Variants in DIPK1C observed in about 807,000 individuals in gnomAD.
The protein encoded by DIPK1C is divergent protein kinase domain 1C.
Under a neutral mutation model 28.0 loss-of-function variants are expected in DIPK1C, and 33 were observed. The ratio of observed to expected loss-of-function variants is 1.18; its 90% CI spans 0.89 to 1.58. The LOEUF (loss-of-function observed/expected upper bound fraction) is 1.58, where lower values mean the gene tolerates loss of function less well. Among genes scored for constraint, DIPK1C ranks in the 40% most tolerant of loss-of-function variants. The pLI is 0.00. For missense variants in DIPK1C, 569 were observed against 568.5 expected (o/e 1.00, Z -0.01); for synonymous variants, 255 against 248.8 (o/e 1.02, Z -0.23).
chr18:74,448,612 C>T (rs1186697590), intron 1 of DIPK1C, among the ~76,000 whole-genome samples: 2 of 152,104 alleles, frequency 1.3e-5, no homozygotes, highest in African/African-American at 4.8e-5. Context: ...ATTGTACTGG[C>T]CAAGAGGGAA....
chr18:74,446,107 G>A (rs1242392295), intron 2 of DIPK1C, among the ~76,000 whole-genome samples: 3 of 152,190 alleles, frequency 2.0e-5, no homozygotes, highest in African/African-American at 4.8e-5. Flanking sequence ...TCTTACATAC[G>A]GAATGGAAAC....
chr18:74,458,603 G>GGGGTTTGGGTGTCACTCGATCAACAGCA (rs1986568722), upstream of DIPK1C, among the ~76,000 whole-genome samples: 1 of 132,442 alleles, frequency 7.6e-6, no homozygotes, highest in Non-Finnish European at 1.6e-5. Flanking sequence ...ACAGACCCTT[G>GGGGTTTGGGTGTCACTCGATCAACAGCA]GGGTTTGGGT....
chr18:74,446,042 C>G (rs935121039), intron 2 of DIPK1C, among the ~76,000 whole-genome samples: 2 of 152,224 alleles, frequency 1.3e-5, no homozygotes, highest in African/African-American at 4.8e-5. Flanking sequence ...ATATTTCTAC[C>G]TGGCAGGGCT....
In DIPK1C at chr18:74,447,136, T is replaced by A; in HGVS notation, c.346A>T (p.Lys116Ter). The A allele has an allele frequency of 6.4e-7, 1 of 1,550,542 alleles. No homozygotes were observed. Among genetic ancestry groups the A allele is most frequent in the Non-Finnish European group, 8.7e-7 (1 of 1,146,970 alleles). ...CTGGAGAAGGCCTCCTCCTTGGACT[T>A]GAGGACCACGGGCCGGCCGCGCCAG... ...ADWRGRPVVL[K>*]SKEEAFSSFP... The change falls in exon 2 of 4, where the codon AAG becomes TAG. Residue 116 changes from lysine (K) to a stop codon, truncating the protein, a stop_gained. Coordinates refer to ENST00000343998, the MANE Select transcript of DIPK1C (RefSeq NM_001044369.3). LOFTEE classifies it high-confidence loss of function. The surrounding 1 kb of genome is among the most constrained non-coding windows in gnomAD (Gnocchi z 4.1).
intron 3 of DIPK1C, 54 bp from the exon 4 acceptor site, chr18:74,436,773 C>A: frequency 6.7e-7 from 1 of 1,481,618 alleles, no homozygotes; most frequent in South Asian, 1.3e-5. Flanking sequence ...CTCCTAAAAG[C>A]TTCCCAAGCC....
upstream of DIPK1C, among the ~76,000 whole-genome samples, chr18:74,462,406 A>G (rs1310024582): frequency 6.6e-6 from 1 of 152,154 alleles, no homozygotes; most frequent in East Asian, 1.9e-4. Context: ...ACCATGTATC[A>G]CTACTTTGTT....
chr18:74,456,917 C>T, intron 1 of DIPK1C, 145 bp downstream of exon 1: 2 of 894,010 alleles, frequency 2.2e-6, no homozygotes, highest in Non-Finnish European at 3.0e-6. Flanking sequence ...GCGTGCGCCT[C>T]TGGCACTCCA....
rs780229492 is a variant in DIPK1C at position 74,442,014 on chromosome 18, A to G, written c.979T>C (p.Phe327Leu). Residue 327 changes from phenylalanine to leucine, a missense_variant, in exon 3 of 4, where the codon TTT (phenylalanine) becomes CTT (leucine). Physicochemically the swap from Phe to Leu is conservative, Grantham distance 22 (BLOSUM62 0). Transcript: ENST00000343998. ...TTGACTCGTAAATCACATCTTGAAA[A>G]ACAGTCAAAGAAATTGCAGTCTTCA... ...GDEDCNFFDC[F>L]SRCDLRVNKC... is the part of the protein sequence containing the mutation. 1 of 1,614,078 alleles carries G rather than the reference A, an allele frequency of 6.2e-7. No individual in the cohort carries two copies. The highest frequency in any genetic ancestry group is 1.1e-5 in the South Asian group (1 of 91,060).
intron 1 of DIPK1C, among the ~76,000 whole-genome samples, chr18:74,449,586 G>A (rs1241224971): frequency 6.6e-6 from 1 of 152,238 alleles, no homozygotes; most frequent in African/African-American, 2.4e-5. Flanking sequence ...GCCAGCCGCT[G>A]CATTTTAGAT....
intron 2 of DIPK1C, among the ~76,000 whole-genome samples, chr18:74,442,483 C>T (rs748583649): frequency 2.0e-5 from 3 of 152,092 alleles, no homozygotes; most frequent in South Asian, 4.1e-4. Flanking sequence ...TGCCCACCAC[C>T]ACACCCGGCT....
chr18:74,448,595 C>T (rs1847596313), intron 1 of DIPK1C, among the ~76,000 whole-genome samples: 2 of 152,272 alleles, frequency 1.3e-5, no homozygotes, highest in Non-Finnish European at 2.9e-5. Context: ...TGCCTCCCTG[C>T]ATGATGATTG....
chr18:74,446,539 A>G, intron 2 of DIPK1C, 67 bp downstream of exon 2: 1 of 1,342,350 alleles, frequency 7.4e-7, no homozygotes, highest in Non-Finnish European at 9.6e-7. Flanking sequence ...AAACCTTCTC[A>G]TTTCCTTCCC....
At position 74,442,100 on chromosome 18, in the gene DIPK1C, A is replaced by C; in HGVS notation, c.893T>G (p.Val298Gly). Residue 298 changes from valine to glycine, a missense_variant, in exon 3 of 4, where the codon GTG becomes GGG. Val to Gly is a moderately radical substitution (Grantham distance 109). Transcript: ENST00000343998. ...TTTAGGTTCAAAAAAGGCCATGTCC[A>C]CATCAATAGCCACCACCTGTAATCA... ...RSDFTVVAID[V>G]DMAFFEPKMR... 1 of 1,614,136 alleles carries C rather than the reference A, an allele frequency of 6.2e-7. No individual in the cohort carries two copies. The highest frequency in any genetic ancestry group is 8.5e-7 in the Non-Finnish European group (1 of 1,180,012).
intron 1 of DIPK1C, among the ~76,000 whole-genome samples, chr18:74,454,064 G>A (rs1986453411): frequency 6.6e-6 from 1 of 152,158 alleles, no homozygotes; most frequent in South Asian, 2.1e-4. Flanking sequence ...CTCCCCAGCT[G>A]GCTGGGCCTG....
chr18:74,438,369 A>G (rs1986044789), intron 3 of DIPK1C, among the ~76,000 whole-genome samples: 1 of 152,212 alleles, frequency 6.6e-6, no homozygotes, highest in South Asian at 2.1e-4. Context: ...ATGCTATTGC[A>G]TTTTGTGCAT....
rs922330771 is a variant in DIPK1C, at chr18:74,443,385, A to G, written c.877-1269T>C. On this transcript the variant is annotated intron_variant, in intron 2 of 3. Transcript: ENST00000343998. ...AGTCAGTGGCATTTCACAAGCCTTC[A>G]CAGGTCAGCATCGAGATACCAGCCT... Among the ~76,000 whole-genome samples, 4 of 152,178 alleles carry G rather than the reference A, an allele frequency of 2.6e-5. No individual in the cohort carries two copies. The South Asian group carries it at 8.3e-4, about 32-fold the overall frequency.
chr18:74,457,409 G>C, upstream of DIPK1C: 2 of 469,418 alleles, frequency 4.3e-6, no homozygotes, highest in Non-Finnish European at 2.8e-6. Flanking sequence ...CGCCTGGGGC[G>C]GAGGTGCGGG....
chr18:74,444,533 G>C (rs1986216898), intron 2 of DIPK1C, among the ~76,000 whole-genome samples: 1 of 152,170 alleles, frequency 6.6e-6, no homozygotes. Flanking sequence ...TTGAAGACAG[G>C]GATTGCTGGC....
intron 3 of DIPK1C, among the ~76,000 whole-genome samples, chr18:74,439,501 G>A (rs1000990079): frequency 1.1e-4 from 17 of 152,070 alleles, no homozygotes; most frequent in Non-Finnish European, 2.5e-4. Flanking sequence ...AAGAATTTTG[G>A]GGGTAATTTG....
Sources: gnomAD v4.1 joint callset for allele counts (sites outside exome capture counted in the v4.1 genomes callset) on GRCh38, gnomAD v4.1.1 for gene constraint, Gnocchi (gnomAD v3.1) non-coding constraint, MANE v1.5 for transcripts, NCBI Gene and HGNC (gene_info 2026-07-23, HGNC 2026-07-21) for gene names.